Variants in CTIF observed in about 807,000 individuals in gnomAD.
CTIF encodes cap binding complex dependent translation initiation factor.
A neutral mutation model predicts 66.0 loss-of-function variants in CTIF; 21 were observed. That is an observed-to-expected ratio of 0.32 (90% CI 0.23 to 0.46). The LOEUF is 0.46. Among genes scored for constraint, CTIF ranks in the 20% least tolerant of loss-of-function variants. The pLI, the probability that CTIF is intolerant of heterozygous loss-of-function variation, is 1.00. For missense variants in CTIF, 739 were observed against 812.7 expected (o/e 0.91, Z 1.10); for synonymous variants, 345 against 326.4 (o/e 1.06, Z -0.62).
At chr18:48,739,848 C>T (rs1183702417) in intron 7 of CTIF, among the ~76,000 whole-genome samples, 2 of 152,212 alleles carry the variant, frequency 1.3e-5, no homozygotes, top group African/African-American at 4.8e-5. Context: ...CCCGTCGGCT[C>T]CTCTCCCTCC....
Position 48,551,509 on chromosome 18 carries a change from A to C in CTIF, c.-29+12197A>C, listed in dbSNP as rs11875005. The stretch of plus-strand genomic sequence containing the variant: ...TGGTCCTCTGTTATGGCAGCCATGG[A>C]TACTAATACACATGCATTGTGTGTT... On this transcript the variant is annotated intron_variant, in intron 1 of 11. Coordinates refer to ENST00000256413, the MANE Select transcript of CTIF (RefSeq NM_014772.3). 7.5e-3 allele frequency among the ~76,000 whole-genome samples: 1,148 copies of C among 152,252 alleles called. 8 individuals carry two copies. The highest frequency in any genetic ancestry group is 0.027 in the African/African-American group (1,103 of 41,536).
intron 1 of CTIF, among the ~76,000 whole-genome samples, chr18:48,607,216 G>C (rs1330230272): frequency 6.6e-6 from 1 of 152,192 alleles, no homozygotes; most frequent in Non-Finnish European, 1.5e-5. Context: ...GGAATCAGGG[G>C]CCCTGGGCTT....
At chr18:48,633,089 C>T (rs1007011136) in intron 2 of CTIF, among the ~76,000 whole-genome samples, 3 of 140,382 alleles carry the variant, frequency 2.1e-5, no homozygotes, top group South Asian at 2.3e-4. Context: ...GTGTGTCCCC[C>T]GTGAGTCACC....
At chr18:48,820,875 G>T (rs2068469134) in intron 10 of CTIF, among the ~76,000 whole-genome samples, 1 of 152,194 alleles carries the variant, frequency 6.6e-6, no homozygotes, top group Non-Finnish European at 1.5e-5. Context: ...GCCCGTCTGG[G>T]GGTCCTTGTG....
chr18:48,818,672 C>A (rs944923324), intron 10 of CTIF, among the ~76,000 whole-genome samples: 6 of 151,944 alleles, frequency 3.9e-5, no homozygotes, highest in Admixed American at 1.3e-4. Flanking sequence ...AGGAAGGGGG[C>A]GTGTAAGAAC....
chr18:48,783,904 C>T (rs1177108817), intron 9 of CTIF, among the ~76,000 whole-genome samples: 1 of 152,180 alleles, frequency 6.6e-6, no homozygotes, highest in Non-Finnish European at 1.5e-5. Flanking sequence ...TACGTAGCGT[C>T]CACACGTATG....
intron 2 of CTIF, among the ~76,000 whole-genome samples, chr18:48,624,839 C>T (rs1419437039): frequency 1.3e-5 from 2 of 152,166 alleles, no homozygotes; most frequent in Non-Finnish European, 2.9e-5. Flanking sequence ...CATTTAATGA[C>T]AGCATAGTTT....
At chr18:48,819,857 T>A (rs2068446656) in intron 10 of CTIF, among the ~76,000 whole-genome samples, 2 of 152,210 alleles carry the variant, frequency 1.3e-5, no homozygotes, top group Non-Finnish European at 2.9e-5. Context: ...TTTACCTGCT[T>A]TGAGCTTTGG....
chr18:48,679,020 G>A (rs930486343), intron 6 of CTIF, among the ~76,000 whole-genome samples: 1 of 152,166 alleles, frequency 6.6e-6, no homozygotes, highest in Non-Finnish European at 1.5e-5. Flanking sequence ...CCCTATCGCC[G>A]GCAAAGCCTA....
chr18:48,798,543 C>T (rs2067979988), intron 9 of CTIF, among the ~76,000 whole-genome samples: 1 of 152,206 alleles, frequency 6.6e-6, no homozygotes, highest in Non-Finnish European at 1.5e-5. Flanking sequence ...TACTGAGTTC[C>T]GAGTCCCATG....
intron 6 of CTIF, among the ~76,000 whole-genome samples, chr18:48,706,713 A>G (rs1283585335): frequency 6.6e-6 from 1 of 152,040 alleles, no homozygotes; most frequent in Non-Finnish European, 1.5e-5. Flanking sequence ...TTGCAACCAG[A>G]GCAATAACAT....
At chr18:48,750,572 G>A (rs961946021) in intron 7 of CTIF, among the ~76,000 whole-genome samples, 3 of 152,248 alleles carry the variant, frequency 2.0e-5, no homozygotes, top group Admixed American at 2.0e-4. Flanking sequence ...GCAGACTGTG[G>A]TGGGAAAGGG....
At chr18:48,843,731 T>C (rs1294807909) in intron 10 of CTIF, among the ~76,000 whole-genome samples, 5 of 152,118 alleles carry the variant, frequency 3.3e-5, no homozygotes, top group Non-Finnish European at 1.5e-5. Context: ...CTTTTACTAA[T>C]GACTTTGAGA....
chr18:48,627,340 G>T (rs2090621516), intron 2 of CTIF, among the ~76,000 whole-genome samples: 1 of 152,186 alleles, frequency 6.6e-6, no homozygotes, highest in South Asian at 2.1e-4. Flanking sequence ...CACAGGGAAA[G>T]ACAGACAATA....
intron 2 of CTIF, among the ~76,000 whole-genome samples, chr18:48,629,587 A>T (rs1166820437): frequency 6.6e-6 from 1 of 151,716 alleles, no homozygotes; most frequent in Non-Finnish European, 1.5e-5. Context: ...GAATGCTGTG[A>T]TTAAACCTAC....
chr18:48,697,302 T>A (rs2092021613), intron 6 of CTIF, among the ~76,000 whole-genome samples: 1 of 152,146 alleles, frequency 6.6e-6, no homozygotes, highest in Non-Finnish European at 1.5e-5. Context: ...TTGTAGCTTG[T>A]TTGGGGAGGC....
chr18:48,600,159 C>T (rs1392944650), intron 1 of CTIF, among the ~76,000 whole-genome samples: 2 of 152,096 alleles, frequency 1.3e-5, no homozygotes, highest in African/African-American at 2.4e-5. Context: ...CCCCAACCCC[C>T]GAGGCATGCA....
chr18:48,648,795 C>T (rs144847909), intron 3 of CTIF, among the ~76,000 whole-genome samples: 15 of 152,260 alleles, frequency 9.9e-5, no homozygotes, highest in African/African-American at 3.4e-4. Context: ...TCCATGTAGT[C>T]GTGGGACCAG....
chr18:48,592,780 C>G (rs911245901), intron 1 of CTIF, among the ~76,000 whole-genome samples: 1 of 152,140 alleles, frequency 6.6e-6, no homozygotes, highest in Non-Finnish European at 1.5e-5. Context: ...GGGGACTAAT[C>G]GCTCTCATCA....
Sources: allele counts gnomAD v4.1 joint callset (sites outside exome capture counted in the v4.1 genomes callset), GRCh38; gene constraint gnomAD v4.1.1; transcripts MANE v1.5; gene names NCBI Gene and HGNC (gene_info 2026-07-23, HGNC 2026-07-21).